Variants in ST8SIA2 observed in about 807,000 individuals in gnomAD.
ST8SIA2 encodes the protein alpha-2,8-sialyltransferase 8B.
A neutral mutation model predicts 37.6 loss-of-function variants in ST8SIA2; 22 were observed. The ratio of observed to expected loss-of-function variants is 0.58; its 90% CI spans 0.42 to 0.83. ST8SIA2 has a LOEUF of 0.83. ST8SIA2 is among the 40% of genes least tolerant of loss of function. The probability of loss-of-function intolerance (pLI) is 0.00; values close to 1 mark genes in which losing one functional copy is unlikely to be tolerated. For missense variants in ST8SIA2, 382 were observed against 484.7 expected, an observed-to-expected ratio of 0.79 and a Z score of 1.99; for synonymous variants, 205 against 201.2, an observed-to-expected ratio of 1.02 and a Z score of -0.16.
rs917023303 is a variant in ST8SIA2 at position 92,393,974 on chromosome 15, G to A, written c.-91G>A. ...GCAGGGTGTCTGCCCAGCTGCGCGC[G>A]GCGCGCGGAGGCTCCGGCGTCCGCC... On this transcript the variant is annotated 5_prime_UTR_variant, in exon 1 of 6. Coordinates refer to ENST00000268164, the MANE Select transcript of ST8SIA2 (RefSeq NM_006011.4). 6.0e-6 allele frequency: 5 copies of A among 836,534 alleles called. No homozygotes were observed. Among genetic ancestry groups the A allele is most frequent in the Middle Eastern group, 3.8e-4 (1 of 2,622 alleles). The allele number at this position is 836,534 out of a possible 1,614,324, so 51.8% of individuals were successfully genotyped here.
At chr15:92,406,704 A>G (rs1454328807) in intron 1 of ST8SIA2, among the ~76,000 whole-genome samples, 1 of 152,144 alleles carries the variant, frequency 6.6e-6, no homozygotes, top group Non-Finnish European at 1.5e-5. Context: ...AAAAATGAAT[A>G]ATGATTCTTG....
intron 5 of ST8SIA2, among the ~76,000 whole-genome samples, chr15:92,451,908 T>C (rs2049884992): frequency 6.6e-6 from 1 of 152,220 alleles, no homozygotes; most frequent in African/African-American, 2.4e-5. Context: ...GAAATAGTGA[T>C]GGCACCCTAG....
intron 1 of ST8SIA2, among the ~76,000 whole-genome samples, chr15:92,410,572 C>T (rs1322651235): frequency 1.3e-5 from 2 of 152,082 alleles, no homozygotes; most frequent in Non-Finnish European, 2.9e-5. Flanking sequence ...CATGAGTGCA[C>T]GTAACGGGAT....
chr15:92,395,106 C>T (rs1425786651), intron 1 of ST8SIA2, among the ~76,000 whole-genome samples: 3 of 152,150 alleles, frequency 2.0e-5, no homozygotes, highest in Non-Finnish European at 4.4e-5. Context: ...GGCCGGGCCC[C>T]TCTCCGGAAC....
At chr15:92,406,473 C>T (rs1343531324) in intron 1 of ST8SIA2, among the ~76,000 whole-genome samples, 1 of 152,220 alleles carries the variant, frequency 6.6e-6, no homozygotes, top group Non-Finnish European at 1.5e-5. Context: ...GTCTCAGGCC[C>T]TCCTCCAAAC....
intron 1 of ST8SIA2, among the ~76,000 whole-genome samples, chr15:92,408,746 C>A (rs558554898): frequency 6.6e-6 from 1 of 151,262 alleles, no homozygotes; most frequent in African/African-American, 2.4e-5. Flanking sequence ...CACTCTGTCG[C>A]CCAGGCTGGA....
At chr15:92,399,807 G>C (rs182097079) in intron 1 of ST8SIA2, among the ~76,000 whole-genome samples, 1 of 152,324 alleles carries the variant, frequency 6.6e-6, no homozygotes, top group East Asian at 1.9e-4. Context: ...CTTTCCCCCT[G>C]TAAGGCAGGG....
Position 92,465,124 on chromosome 15 carries a change from G to C in ST8SIA2, c.*739G>C, listed in dbSNP as rs1215759198. The C allele has an allele frequency of 6.6e-6, 1 of 152,620 alleles. No homozygotes were observed. The highest frequency in any genetic ancestry group is 2.4e-5 in the African/African-American group (1 of 41,422). 9.5% of individuals were successfully genotyped at this position (152,620 alleles called of 1,614,324 possible). On this transcript the variant is annotated 3_prime_UTR_variant, in exon 6 of 6. Coordinates refer to ENST00000268164, the MANE Select transcript of ST8SIA2 (RefSeq NM_006011.4). The stretch of plus-strand genomic sequence containing the variant: ...TTGGGTGAAGCAAGCAGATGACAAT[G>C]AAGAGGAGTAATGTTCCGAATCATG...
chr15:92,394,000 G>T lies in ST8SIA2; in HGVS notation c.-65G>T. Reference sequence around the variant, plus strand: ...GCGCGCGGAGGCTCCGGCGTCCGCCGCTGCGCCCTCCGGCCCCTGCTCCTC... The same window carrying T: ...GCGCGCGGAGGCTCCGGCGTCCGCCTCTGCGCCCTCCGGCCCCTGCTCCTC... On this transcript the variant is annotated 5_prime_UTR_variant, in exon 1 of 6. Transcript: ENST00000268164. 1 of 1,313,126 alleles carries T rather than the reference G, an allele frequency of 7.6e-7. No individual in the cohort carries two copies. The highest frequency in any genetic ancestry group is 1.0e-6 in the Non-Finnish European group (1 of 971,570). The allele number at this position is 1,313,126 out of a possible 1,614,324, so 81.3% of individuals were successfully genotyped here.
chr15:92,450,349 G>A (rs2049873132), intron 5 of ST8SIA2, among the ~76,000 whole-genome samples: 1 of 152,218 alleles, frequency 6.6e-6, no homozygotes, highest in Admixed American at 6.5e-5. Flanking sequence ...GTGGCAAGAT[G>A]CTCCGCTGAT....
In ST8SIA2 at chr15:92,438,431, T is replaced by A. The variant is rs1035738190; in HGVS notation, c.369T>A (p.Ile123=). ...LKGTLKPGDI[I]HYIFDRDSTM... ...GAACCCTGAAGCCTGGAGATATTAT[T>A]CATTACATCTTCGATCGAGACAGCA... The change falls in exon 4 of 6, where the codon ATT becomes ATA. Residue 123 remains isoleucine, a synonymous_variant. Transcript: ENST00000268164. 3 of 1,614,104 alleles carry A rather than the reference T, an allele frequency of 1.9e-6. No homozygotes were observed. The African/African-American group carries it at 4.0e-5, about 22-fold the overall frequency.
Position 92,461,128 on chromosome 15 carries a change from C to A in ST8SIA2, c.843-2972C>A, listed in dbSNP as rs1783182325. Among the ~76,000 whole-genome samples, 3 of 152,236 alleles carry A rather than the reference C, an allele frequency of 2.0e-5. No individual in the cohort carries two copies. In the South Asian group the frequency reaches 6.2e-4, roughly 32 times the overall value. On this transcript the variant is annotated intron_variant, in intron 5 of 5. Transcript: ENST00000268164. ...GACATGGGCCAGTTATCTAATAACC[C>A]TGATCACAACGCAGCCTCCTAAAAA...
rs1263275326 is a variant in ST8SIA2, at chr15:92,444,909, C to A, written c.822C>A (p.Arg274=). ...TGCGCACTGCATACCCCTCGCTGCG[C>A]CTGCTGCACGCCGTTCGCGGGTGAG... is the stretch of plus-strand genomic sequence containing the variant. ...VNVRTAYPSL[R]LLHAVRGYWL... is the part of the protein sequence containing the mutation. The change falls in exon 5 of 6, where the codon CGC becomes CGA. Residue 274 remains arginine (R), a synonymous_variant. Coordinates refer to ENST00000268164, the MANE Select transcript of ST8SIA2 (RefSeq NM_006011.4). 6.2e-7 allele frequency: 1 copy of A among 1,612,392 alleles called. No homozygotes were observed. Among genetic ancestry groups the A allele is most frequent in the Non-Finnish European group, 8.5e-7 (1 of 1,180,044 alleles).
chr15:92,409,438 T>G (rs1596231305), intron 1 of ST8SIA2, among the ~76,000 whole-genome samples: 1 of 152,368 alleles, frequency 6.6e-6, no homozygotes, highest in East Asian at 1.9e-4. Context: ...AGTGTTGTTT[T>G]TATTTTCTGT....
At chr15:92,408,340 C>T (rs1300122931) in intron 1 of ST8SIA2, among the ~76,000 whole-genome samples, 1 of 152,118 alleles carries the variant, frequency 6.6e-6, no homozygotes, top group East Asian at 1.9e-4. Context: ...CACATCTCCC[C>T]ACACCATGTT....
rs532326502 is a variant in ST8SIA2 at position 92,438,444 on chromosome 15, G to C, written c.382G>C (p.Asp128His). 5.0e-6 allele frequency: 8 copies of C among 1,614,164 alleles called. No individual in the cohort carries two copies. Among genetic ancestry groups the C allele is most frequent in the Non-Finnish European group, 6.8e-6 (8 of 1,180,026 alleles). ...TGGAGATATTATTCATTACATCTTC[G>C]ATCGAGACAGCACCATGAATGTGTC... ...KPGDIIHYIF[D>H]RDSTMNVSQN... The change falls in exon 4 of 6, where the codon GAT becomes CAT. Residue 128 changes from aspartate to histidine, a missense_variant. Asp to His is a moderately conservative substitution (Grantham distance 81, BLOSUM62 -1). Transcript: ENST00000268164.
intron 1 of ST8SIA2, among the ~76,000 whole-genome samples, chr15:92,401,798 TTCC>T (rs373137462): frequency 2.6e-5 from 4 of 151,340 alleles, no homozygotes; most frequent in East Asian, 1.9e-4. Flanking sequence ...AGGGAAACAA[TTCC>T]TCCTCCTCCT....
chr15:92,438,733 A>C, intron 4 of ST8SIA2, 123 bp downstream of exon 4: 1 of 1,324,400 alleles, frequency 7.6e-7, no homozygotes, highest in Non-Finnish European at 1.0e-6. Flanking sequence ...CCCTGCTCTC[A>C]ACCATGACTG....
intron 4 of ST8SIA2, among the ~76,000 whole-genome samples, chr15:92,444,069 A>T (rs758272136): frequency 3.3e-5 from 5 of 152,178 alleles, no homozygotes; most frequent in African/African-American, 4.8e-5. Context: ...GTTAGCATTT[A>T]TCAAGCTCTT....
Sources: gnomAD v4.1 joint callset for allele counts (sites outside exome capture counted in the v4.1 genomes callset) on GRCh38, gnomAD v4.1.1 for gene constraint, MANE v1.5 for transcripts, NCBI Gene and HGNC (gene_info 2026-07-23, HGNC 2026-07-21) for gene names.